PRKN: variants seen among roughly 807,000 people sequenced by gnomAD.
PRKN encodes E3 ubiquitin-protein ligase parkin.
Under a neutral mutation model 59.5 loss-of-function variants are expected in PRKN, and 56 were observed. That is an observed-to-expected ratio of 0.94 (90% CI 0.76 to 1.18). The LOEUF is 1.18. PRKN is among the 50% of genes most tolerant of loss of function. The pLI, the probability that PRKN is intolerant of heterozygous loss-of-function variation, is 0.00. For missense variants in PRKN, 657 were observed against 596.4 expected (o/e 1.10, Z -1.06); for synonymous variants, 250 against 222.1 (o/e 1.13, Z -1.12).
intron 6 of PRKN, among the ~76,000 whole-genome samples, chr6:161,918,108 C>T (rs773921304): frequency 6.6e-6 from 1 of 152,026 alleles, no homozygotes; most frequent in Admixed American, 6.6e-5. Flanking sequence ...CAAGGTGACC[C>T]GGGAGTAGAT....
chr6:161,595,105 A>C (rs368263153), intron 7 of PRKN, among the ~76,000 whole-genome samples: 3 of 152,264 alleles, frequency 2.0e-5, no homozygotes, highest in African/African-American at 7.2e-5. Context: ...TGTTGACTCC[A>C]TAGTGTGACT....
chr6:162,095,231 G>A (rs1266079239), intron 4 of PRKN, among the ~76,000 whole-genome samples: 1 of 152,108 alleles, frequency 6.6e-6, no homozygotes, highest in Non-Finnish European at 1.5e-5. Context: ...ATAAGGTCCT[G>A]GTCACAAATA....
chr6:161,800,383 T>C (rs1020333666), intron 6 of PRKN, among the ~76,000 whole-genome samples: 6 of 152,214 alleles, frequency 3.9e-5, no homozygotes, highest in Non-Finnish European at 5.9e-5. Context: ...GTTCTAAAAG[T>C]CACACCTTTC....
intron 7 of PRKN, among the ~76,000 whole-genome samples, chr6:161,782,353 A>C (rs1005002403): frequency 1.3e-5 from 2 of 152,212 alleles, no homozygotes; most frequent in African/African-American, 4.8e-5. Context: ...AAGGTGACAC[A>C]TCTATACCAT....
intron 10 of PRKN, among the ~76,000 whole-genome samples, chr6:161,383,086 G>A (rs1786066098): frequency 6.6e-6 from 1 of 152,204 alleles, no homozygotes; most frequent in African/African-American, 2.4e-5. Context: ...TTCCAAGGGA[G>A]GCTGCAATTG....
rs77740521 is a variant in PRKN, at chr6:162,362,738, G to C, written c.171+80572C>G. ...AAACCAACTGTGAACAAGCACTCAG[G>C]GTGGCCAGGGTACGTGAGGAAGCCT... On this transcript the variant is annotated intron_variant, in intron 2 of 11. Coordinates refer to ENST00000366898, the MANE Select transcript of PRKN (RefSeq NM_004562.3). 4.5e-3 allele frequency among the ~76,000 whole-genome samples: 686 copies of C among 152,094 alleles called. 11 individuals carry two copies. The highest frequency in any genetic ancestry group is 0.015 in the African/African-American group (634 of 41,494).
chr6:161,429,772 T>C lies in PRKN; in HGVS notation c.1084-42895A>G, dbSNP rs1356319499. ...AATTCAGAATACTCCTAAGTGAGTA[T>C]GGCCACTTGGATACCTGGAAATATT... On this transcript the variant is annotated intron_variant, in intron 9 of 11. Transcript: ENST00000366898. The surrounding 1 kb of genome is among the most constrained non-coding windows in gnomAD (Gnocchi z 4.2). Among the ~76,000 whole-genome samples, 1 of 152,164 alleles carries C rather than the reference T, an allele frequency of 6.6e-6. No homozygotes were observed. The highest frequency in any genetic ancestry group is 1.5e-5 in the Non-Finnish European group (1 of 68,046).
At chr6:161,813,344 C>T (rs1200911882) in intron 6 of PRKN, among the ~76,000 whole-genome samples, 1 of 152,158 alleles carries the variant, frequency 6.6e-6, no homozygotes, top group Non-Finnish European at 1.5e-5. Flanking sequence ...GGGATGTCCC[C>T]AGCCTCACCG....
intron 6 of PRKN, among the ~76,000 whole-genome samples, chr6:161,900,565 T>C (rs1389512265): frequency 1.1e-5 from 1 of 89,894 alleles, no homozygotes; most frequent in Non-Finnish European, 2.2e-5. Flanking sequence ...TTATATGTTA[T>C]ATATTATGTA....
chr6:162,325,893 CCTTATT>C (rs1783248709), intron 2 of PRKN, among the ~76,000 whole-genome samples: 1 of 151,956 alleles, frequency 6.6e-6, no homozygotes, highest in Non-Finnish European at 1.5e-5. Context: ...TTGTTGAAAA[CCTTATT>C]CTTAGAGACT....
At chr6:161,633,890 G>A (rs1315893273) in intron 7 of PRKN, among the ~76,000 whole-genome samples, 3 of 152,068 alleles carry the variant, frequency 2.0e-5, no homozygotes, top group African/African-American at 7.2e-5. Flanking sequence ...TGTCCAAAAT[G>A]TCTCCTGTCA....
At chr6:161,606,070 G>A (rs1163438209) in intron 7 of PRKN, among the ~76,000 whole-genome samples, 3 of 152,210 alleles carry the variant, frequency 2.0e-5, no homozygotes, top group African/African-American at 7.2e-5. Context: ...ATGTAATGAA[G>A]TGTTTTCTTT....
chr6:162,501,712 T>C (rs548715652), intron 1 of PRKN, among the ~76,000 whole-genome samples: 91 of 152,122 alleles, frequency 6.0e-4, no homozygotes, highest in African/African-American at 2.1e-3. Context: ...AAGCTCAAGA[T>C]TGAGGACACT....
chr6:162,427,437 A>T (rs1762162389), intron 2 of PRKN, among the ~76,000 whole-genome samples: 1 of 152,206 alleles, frequency 6.6e-6, no homozygotes, highest in African/African-American at 2.4e-5. Context: ...CATGAGAATA[A>T]ATCCATTGTG....
intron 6 of PRKN, among the ~76,000 whole-genome samples, chr6:161,803,046 T>C (rs1198252591): frequency 6.6e-6 from 1 of 152,136 alleles, no homozygotes; most frequent in African/African-American, 2.4e-5. Flanking sequence ...ACACCCTCCT[T>C]GCATGAGGAG....
chr6:161,605,224 C>T (rs1782234745), intron 7 of PRKN, among the ~76,000 whole-genome samples: 1 of 152,074 alleles, frequency 6.6e-6, no homozygotes, highest in South Asian at 2.1e-4. Flanking sequence ...TAGATCATTG[C>T]AGCTTTGGAG....
chr6:162,043,321 A>G (rs1784135747), intron 5 of PRKN, among the ~76,000 whole-genome samples: 1 of 152,228 alleles, frequency 6.6e-6, no homozygotes, highest in Non-Finnish European at 1.5e-5. Context: ...TGGGATCCAG[A>G]AAAATATAGA....
At chr6:161,638,314 C>T (rs918454047) in intron 7 of PRKN, among the ~76,000 whole-genome samples, 6 of 151,882 alleles carry the variant, frequency 4.0e-5, no homozygotes, top group Admixed American at 3.3e-4. Flanking sequence ...TTTTGTGTTT[C>T]AGTAGAGATG....
At position 162,281,813 on chromosome 6, in the gene PRKN, C is replaced by T. The variant is rs183614254; in HGVS notation, c.172-19048G>A. 4.8e-3 allele frequency among the ~76,000 whole-genome samples: 736 copies of T among 152,268 alleles called. 8 individuals are homozygous for T. Among genetic ancestry groups the T allele is most frequent in the Admixed American group, 9.1e-3 (139 of 15,290 alleles). ...AATCCAGTTATGCAGTCTACAGCAG[C>T]AGTCCTGAATCTTTTTGGCACCAGG... On this transcript the variant is annotated intron_variant, in intron 2 of 11. Coordinates refer to ENST00000366898, the MANE Select transcript of PRKN (RefSeq NM_004562.3).
Sources: allele counts gnomAD v4.1 joint callset (sites outside exome capture counted in the v4.1 genomes callset), GRCh38; gene constraint gnomAD v4.1.1; non-coding constraint Gnocchi (gnomAD v3.1); transcripts MANE v1.5; gene names NCBI Gene and HGNC (gene_info 2026-07-23, HGNC 2026-07-21).